Variants in PSMD1 observed in about 807,000 individuals in gnomAD.
The protein encoded by PSMD1 is 26S proteasome non-ATPase regulatory subunit 1.
A neutral mutation model predicts 119.0 loss-of-function variants in PSMD1; 18 were observed. The ratio of observed to expected loss-of-function variants is 0.15; its 90% CI spans 0.10 to 0.22. PSMD1 has a LOEUF of 0.22. Among genes scored for constraint, PSMD1 ranks in the 10% least tolerant of loss-of-function variants. The probability of loss-of-function intolerance (pLI) is 1.00; values close to 1 mark genes in which losing one functional copy is unlikely to be tolerated. For synonymous variants in PSMD1, 374 were observed against 396.6 expected (o/e 0.94, Z 0.68); for missense variants, 702 against 1,158.5 (o/e 0.61, Z 5.72).
chr2:231,129,419 G>T (rs778251900), intron 16 of PSMD1, among the ~76,000 whole-genome samples: 4 of 152,110 alleles, frequency 2.6e-5, no homozygotes, highest in Admixed American at 6.5e-5. Context: ...TTTGTATAAG[G>T]CTTGTGACTC....
chr2:231,062,433 TGAA>T, intron 3 of PSMD1, 70 bp from the exon 4 acceptor site: 1 of 1,552,036 alleles, frequency 6.4e-7, no homozygotes, highest in East Asian at 2.3e-5. Context: ...AATTGTGGCT[TGAA>T]TATTTAGATT....
intron 16 of PSMD1, among the ~76,000 whole-genome samples, chr2:231,102,120 G>A (rs1334558726): frequency 6.6e-6 from 1 of 152,098 alleles, no homozygotes; most frequent in African/African-American, 2.4e-5. Context: ...ATTGGGTCTG[G>A]CTATGTTTTT....
intron 20 of PSMD1, 46 bp downstream of exon 20, chr2:231,161,555 A>T: frequency 6.5e-7 from 1 of 1,528,340 alleles, no homozygotes; most frequent in Non-Finnish European, 8.9e-7. Flanking sequence ...TGTTCACCGT[A>T]TCTTATTCAT....
At chr2:231,057,140 GCCGGCCTGGGC>G (rs1693615192) in intron 1 of PSMD1, 99 bp downstream of exon 1, 7 of 1,380,396 alleles carry the variant, frequency 5.1e-6, no homozygotes, top group African/African-American at 1.5e-5. Flanking sequence ...CCGGCGGAAC[GCCGGCCTGGGC>G]AGCTTCTTGC....
chr2:231,096,354 G>A (rs1189678852), intron 16 of PSMD1, among the ~76,000 whole-genome samples: 1 of 152,126 alleles, frequency 6.6e-6, no homozygotes, highest in Non-Finnish European at 1.5e-5. Flanking sequence ...GAGGGAGATG[G>A]AGTCGGTAAG....
chr2:231,161,238 T>TAA (rs35533383), intron 19 of PSMD1, 102 bp from the exon 20 acceptor site: 6,303 of 953,902 alleles, frequency 6.6e-3, no homozygotes, highest in East Asian at 0.011. Flanking sequence ...CCTATCTCTT[T>TAA]AAAAAAAAAA....
At chr2:231,144,793 C>A (rs1468174579) in intron 17 of PSMD1, among the ~76,000 whole-genome samples, 2 of 152,080 alleles carry the variant, frequency 1.3e-5, no homozygotes, top group Non-Finnish European at 2.9e-5. Context: ...CGACTTTGGG[C>A]AAGTTATTTA....
At chr2:231,162,580 G>T (rs1696666227) in intron 20 of PSMD1, among the ~76,000 whole-genome samples, 1 of 152,050 alleles carries the variant, frequency 6.6e-6, no homozygotes, top group Admixed American at 6.6e-5. Flanking sequence ...TTTACTCTTT[G>T]TGATGAAAAT....
At chr2:231,155,123 T>C (rs902937354) in intron 19 of PSMD1, among the ~76,000 whole-genome samples, 10 of 152,236 alleles carry the variant, frequency 6.6e-5, no homozygotes, top group African/African-American at 2.4e-4. Context: ...TATGTGATTC[T>C]TTTTCTTGAT....
chr2:231,069,920 C>T, intron 5 of PSMD1, 105 bp from the exon 6 acceptor site: 2 of 944,924 alleles, frequency 2.1e-6, no homozygotes, highest in Non-Finnish European at 2.8e-6. Context: ...AAATAATTGG[C>T]TTCCTAGATT....
At position 231,124,141 on chromosome 2, in the gene PSMD1, A is replaced by G. The variant is rs17586428; in HGVS notation, c.1884-14595A>G. On this transcript the variant is annotated intron_variant, in intron 16 of 24. Coordinates refer to ENST00000308696, the MANE Select transcript of PSMD1 (RefSeq NM_002807.4). ...GCCAGAGAGTTCCCCCTAGATACAAAATACATAGACTGCATTATTTTATTC... is the reference window on the plus strand; with the variant it reads ...GCCAGAGAGTTCCCCCTAGATACAAGATACATAGACTGCATTATTTTATTC... 26,806 of 239,364 alleles carry G rather than the reference A, an allele frequency of 0.11. 3,378 individuals are homozygous for G. Among genetic ancestry groups the G allele is most frequent in the African/African-American group, 0.36 (15,628 of 43,854 alleles). The allele number at this position is 239,364 out of a possible 1,614,324, so 14.8% of individuals were successfully genotyped here. A position where few individuals can be genotyped will look rare whatever the true frequency, so the allele number is the denominator to read the frequency against.
intron 6 of PSMD1, among the ~76,000 whole-genome samples, chr2:231,071,085 T>A (rs996657212): frequency 6.6e-6 from 1 of 152,118 alleles, no homozygotes; most frequent in East Asian, 1.9e-4. Flanking sequence ...AATTTAGTAT[T>A]TAATAGTGTA....
intron 7 of PSMD1, among the ~76,000 whole-genome samples, chr2:231,072,720 A>G (rs747788934): frequency 2.0e-5 from 3 of 152,122 alleles, no homozygotes; most frequent in Non-Finnish European, 4.4e-5. Context: ...GGTTGGGGCT[A>G]CCTTTTAGAT....
chr2:231,066,194 G>C (rs1373059235), intron 4 of PSMD1, among the ~76,000 whole-genome samples: 1 of 152,192 alleles, frequency 6.6e-6, no homozygotes, highest in Admixed American at 6.5e-5. Context: ...AGCGACACAG[G>C]ACTGTTTTTC....
intron 21 of PSMD1, 78 bp from the exon 22 acceptor site, chr2:231,165,122 T>C (rs1275885130): frequency 2.3e-6 from 2 of 855,970 alleles, no homozygotes; most frequent in Non-Finnish European, 1.6e-6. Context: ...AATAGTGTTG[T>C]AGGACTGAGT....
chr2:231,171,941 T>C (rs1696923288), intron 24 of PSMD1, among the ~76,000 whole-genome samples: 1 of 152,210 alleles, frequency 6.6e-6, no homozygotes. Flanking sequence ...TGCTGTGTGT[T>C]AGATACTGAC....
At chr2:231,115,686 C>T (rs1414217609) in intron 16 of PSMD1, among the ~76,000 whole-genome samples, 1 of 151,978 alleles carries the variant, frequency 6.6e-6, no homozygotes, top group African/African-American at 2.4e-5. Flanking sequence ...TGAGTAAATT[C>T]AGGTATAATT....
intron 19 of PSMD1, 121 bp from the exon 20 acceptor site, chr2:231,161,219 C>G: frequency 2.1e-6 from 2 of 966,628 alleles, no homozygotes. Context: ...GCTTGGGTAA[C>G]AGTGAGACCC....
rs138925802 is a variant in PSMD1 at position 231,080,224 on chromosome 2, A to C, written c.1323A>C (p.Gly441=). ...TSPGSAYQEG[G]GLYALGLIHA... is the part of the protein sequence containing the mutation. ...CAGGATCAGCCTATCAGGAAGGTGGAGGTCTCTATGCACTAGGTCTTATTC... is the reference window on the plus strand; with the variant it reads ...CAGGATCAGCCTATCAGGAAGGTGGCGGTCTCTATGCACTAGGTCTTATTC... Residue 441 remains glycine (G), a synonymous_variant, in exon 12 of 25, where the codon GGA becomes GGC. Coordinates refer to ENST00000308696, the MANE Select transcript of PSMD1 (RefSeq NM_002807.4). The C allele has an allele frequency of 1.4e-3, 2,275 of 1,612,998 alleles. 1 individual carries two copies. The highest frequency in any genetic ancestry group is 3.2e-3 in the Admixed American group (194 of 60,020).
Sources: gnomAD v4.1 joint callset for allele counts (sites outside exome capture counted in the v4.1 genomes callset) on GRCh38, gnomAD v4.1.1 for gene constraint, MANE v1.5 for transcripts, NCBI Gene and HGNC (gene_info 2026-07-23, HGNC 2026-07-21) for gene names.